INKA2: variants seen among roughly 807,000 people sequenced by gnomAD.
The protein encoded by INKA2 is inka box actin regulator 2.
A neutral mutation model predicts 9.8 loss-of-function variants in INKA2; 3 were observed. The ratio of observed to expected loss-of-function variants is 0.31; its 90% CI spans 0.14 to 0.79. The LOEUF is 0.79. INKA2 is among the 30% of genes least tolerant of loss of function. The pLI is 0.62. For synonymous variants in INKA2, 147 were observed against 143.3 expected (o/e 1.03, Z -0.18); for missense variants, 392 against 384.4 (o/e 1.02, Z -0.17).
intron 1 of INKA2, among the ~76,000 whole-genome samples, chr1:111,732,744 C>A (rs1662937111): frequency 6.6e-6 from 1 of 151,964 alleles, no homozygotes; most frequent in African/African-American, 2.4e-5. Flanking sequence ...CCCTCTCCCA[C>A]CCTCAGCGTC....
upstream of INKA2, among the ~76,000 whole-genome samples, chr1:111,742,169 G>T (rs1387929422): frequency 6.6e-6 from 1 of 152,196 alleles, no homozygotes; most frequent in Non-Finnish European, 1.5e-5. Flanking sequence ...CTGGGCGGTT[G>T]GGTCTTCTGT....
In INKA2 at chr1:111,727,457, T is replaced by G; in HGVS notation, c.405A>C (p.Arg135=). Residue 135 remains arginine (R), a synonymous_variant, in exon 2 of 2, where the codon CGA becomes CGC. Transcript: ENST00000357260. ...TGGAGGTCCAGTCATCCGGTTCCAC[T>G]CGCTCTGGCCCCTGCTGAGCACAGC... ...HQSCAQQGPE[R]VEPDDWTSTL... 1 of 1,614,214 alleles carries G rather than the reference T, an allele frequency of 6.2e-7. No individual in the cohort carries two copies. The highest frequency in any genetic ancestry group is 8.5e-7 in the Non-Finnish European group (1 of 1,180,044).
At chr1:111,740,339 G>T (rs1000915413), upstream of INKA2, among the ~76,000 whole-genome samples, 1 of 152,204 alleles carries the variant, frequency 6.6e-6, no homozygotes, top group African/African-American at 2.4e-5. Context: ...GGAGGATGGA[G>T]TTGCGGCCAA....
chr1:111,755,713 C>T (rs1183134252), exon 1 of INKA2: 2 of 1,613,806 alleles, frequency 1.2e-6, no homozygotes, highest in Non-Finnish European at 1.7e-6. Flanking sequence ...GTTGCCTCAT[C>T]TTTCCTCTCC....
At chr1:111,741,266 G>A (rs1300203771), upstream of INKA2, among the ~76,000 whole-genome samples, 4 of 152,156 alleles carry the variant, frequency 2.6e-5, no homozygotes, top group Non-Finnish European at 5.9e-5. Context: ...GCGAAGCTGG[G>A]GCAGCTGTAG....
At chr1:111,752,931 C>G (rs1340242966) in intron 1 of INKA2, among the ~76,000 whole-genome samples, 1 of 152,200 alleles carries the variant, frequency 6.6e-6, no homozygotes, top group Non-Finnish European at 1.5e-5. Context: ...ATCTCCTGAC[C>G]TTGTGATCCG....
intron 1 of INKA2, among the ~76,000 whole-genome samples, chr1:111,728,604 A>AC (rs1156681753): frequency 6.6e-6 from 1 of 152,176 alleles, no homozygotes; most frequent in Non-Finnish European, 1.5e-5. Flanking sequence ...GGAAAATTCT[A>AC]CCCTGACCTC....
chr1:111,734,225 G>C (rs576738718), intron 1 of INKA2, among the ~76,000 whole-genome samples: 1 of 151,536 alleles, frequency 6.6e-6, no homozygotes, highest in Non-Finnish European at 1.5e-5. Flanking sequence ...CCATCTATGG[G>C]GGTCTGCTTA....
At chr1:111,749,424 GTGT>G (rs1663347839) in intron 1 of INKA2, among the ~76,000 whole-genome samples, 3 of 79,234 alleles carry the variant, frequency 3.8e-5, no homozygotes, top group African/African-American at 1.6e-4. Context: ...GTGTTGGGGT[GTGT>G]GTGTGTGTGT....
intron 1 of INKA2, among the ~76,000 whole-genome samples, chr1:111,738,489 G>T (rs1344429375): frequency 4.0e-5 from 6 of 151,590 alleles, no homozygotes; most frequent in African/African-American, 1.5e-4. Context: ...CCTGACATCT[G>T]GCTGGGCCTC....
chr1:111,727,065 C>G lies in INKA2; in HGVS notation c.797G>C (p.Gly266Ala). The G allele has an allele frequency of 6.2e-7, 1 of 1,614,118 alleles. No homozygotes were observed. The highest frequency in any genetic ancestry group is 8.5e-7 in the Non-Finnish European group (1 of 1,180,036). The change falls in exon 2 of 2, where the codon GGG (glycine) becomes GCG (alanine). Residue 266 changes from glycine (G) to alanine (A), a missense_variant. Gly to Ala is a moderately conservative substitution (Grantham distance 60, BLOSUM62 0). Coordinates refer to ENST00000357260, the MANE Select transcript of INKA2 (RefSeq NM_019099.5). ...GSGHFPFPGT[G>A]EHRRGENPPT... ...GGGATTCTCCCCTCGCCTGTGCTCC[C>G]CGGTGCCTGGGAAGGGGAAATGTCC...
chr1:111,728,903 C>CATTTTTTTTTT (rs1662847026), intron 1 of INKA2, among the ~76,000 whole-genome samples: 1 of 115,572 alleles, frequency 8.7e-6, no homozygotes, highest in Non-Finnish European at 1.7e-5. Context: ...TGGAGCTAGG[C>CATTTTTTTTTT]TTTTTTTTTT....
chr1:111,755,414 C>T, intron 1 of INKA2: 1 of 505,502 alleles, frequency 2.0e-6, no homozygotes, highest in Non-Finnish European at 3.5e-6. Context: ...CCCTTGGGTC[C>T]AGCTACGTTC....
chr1:111,730,082 G>A (rs1018115725), intron 1 of INKA2, among the ~76,000 whole-genome samples: 26 of 152,230 alleles, frequency 1.7e-4, no homozygotes, highest in Admixed American at 1.7e-3. Context: ...GGGACAAGGA[G>A]CCTGTGGGAC....
chr1:111,735,671 T>C (rs1662994383), intron 1 of INKA2, among the ~76,000 whole-genome samples: 1 of 152,360 alleles, frequency 6.6e-6, no homozygotes, highest in Admixed American at 6.5e-5. Context: ...AGCTTTTTTC[T>C]GCCTCAGGAA....
chr1:111,738,488 T>G (rs1213700894), intron 1 of INKA2, among the ~76,000 whole-genome samples: 1 of 151,166 alleles, frequency 6.6e-6, no homozygotes, highest in Non-Finnish European at 1.5e-5. Flanking sequence ...ACCTGACATC[T>G]GGCTGGGCCT....
chr1:111,736,038 A>G (rs886514968), intron 1 of INKA2, among the ~76,000 whole-genome samples: 4 of 151,844 alleles, frequency 2.6e-5, no homozygotes, highest in Admixed American at 1.3e-4. Context: ...GCCTGTGTCT[A>G]CCCCCACTTA....
At chr1:111,737,176 A>G (rs1663024650) in intron 1 of INKA2, among the ~76,000 whole-genome samples, 1 of 152,100 alleles carries the variant, frequency 6.6e-6, no homozygotes, top group Non-Finnish European at 1.5e-5. Flanking sequence ...GGCCAAATGA[A>G]AGCTAATGGG....
At chr1:111,747,235 G>GT (rs1469631801) in intron 1 of INKA2, 1 of 152,214 alleles carries the variant, frequency 6.6e-6, no homozygotes, top group Non-Finnish European at 1.5e-5. Flanking sequence ...GAGATGTTAC[G>GT]TTTTGGTGTG....
Sources: allele counts gnomAD v4.1 joint callset (sites outside exome capture counted in the v4.1 genomes callset), GRCh38; gene constraint gnomAD v4.1.1; transcripts MANE v1.5; gene names NCBI Gene and HGNC (gene_info 2026-07-23, HGNC 2026-07-21).